SRGAP3: variants seen among roughly 807,000 people sequenced by gnomAD.
The protein encoded by SRGAP3 is SLIT-ROBO Rho GTPase-activating protein 3.
SRGAP3 carries 39 observed loss-of-function variants against 121.1 expected under a neutral mutation model. The observed-to-expected ratio is 0.32, with a 90% CI of 0.25 to 0.42. The LOEUF (loss-of-function observed/expected upper bound fraction) is 0.42, where lower values mean the gene tolerates loss of function less well. SRGAP3 is among the 10% of genes least tolerant of loss of function. The pLI is 1.00. For missense variants in SRGAP3, 1,213 were observed against 1,470.6 expected (o/e 0.82, Z 2.86); for synonymous variants, 601 against 570.0 (o/e 1.05, Z -0.77).
intron 3 of SRGAP3, among the ~76,000 whole-genome samples, chr3:9,305,845 T>C (rs1955151928): frequency 1.3e-5 from 2 of 152,232 alleles, no homozygotes; most frequent in African/African-American, 2.4e-5. Context: ...GTCTTTGCTA[T>C]TGTGAATAGT....
chr3:9,213,070 T>G (rs1306918171), intron 1 of SRGAP3, among the ~76,000 whole-genome samples: 1 of 152,176 alleles, frequency 6.6e-6, no homozygotes, highest in Non-Finnish European at 1.5e-5. Flanking sequence ...GCCCCACTTC[T>G]CGACCTGGTG....
At position 9,292,602 on chromosome 3, in the gene SRGAP3, TC is replaced by T. The variant is rs1451390461; in HGVS notation, n.442+33407del. 8 of 152,342 alleles carry T rather than the reference TC, an allele frequency of 5.3e-5. 1 individual carries two copies. Among genetic ancestry groups the T allele is most frequent in the African/African-American group, 1.9e-4 (8 of 41,582 alleles). 9.4% of individuals were successfully genotyped at this position (152,342 alleles called of 1,614,324 possible). A position where few individuals can be genotyped will look rare whatever the true frequency, so the allele number is the denominator to read the frequency against. On this transcript the variant is annotated intron_variant and non_coding_transcript_variant, in intron 3 of 3. Transcript: ENST00000490889. ...ATCAAGTAATAATTAATTCATTTTC[TC>T]ATGTTTTATTAATCAAAGACAACGG...
At chr3:9,123,762 G>GTGTGTGTGTGTGTGTGTGTGTA (rs1182513386) in intron 2 of SRGAP3, among the ~76,000 whole-genome samples, 1 of 149,026 alleles carries the variant, frequency 6.7e-6, no homozygotes. Context: ...GTGTATGTGT[G>GTGTGTGTGTGTGTGTGTGTGTA]TATATATGTA....
Position 8,983,569 on chromosome 3 carries a change from TTAA to T in SRGAP3, c.*1947_*1949del. On this transcript the variant is annotated 3_prime_UTR_variant, in exon 22 of 22. Coordinates refer to ENST00000383836, the MANE Select transcript of SRGAP3 (RefSeq NM_014850.4). Reference sequence around the variant, plus strand: ...CCACTTCATCCAATGGGCTGAAATGTTAATGATGGAATCCAGGGCTCTTATTAG... The same window carrying T: ...CCACTTCATCCAATGGGCTGAAATGTTGATGGAATCCAGGGCTCTTATTAG... The T allele has an allele frequency of 4.3e-6, 1 of 231,226 alleles. No homozygotes were observed. Among genetic ancestry groups the T allele is most frequent in the Non-Finnish European group, 8.6e-6 (1 of 116,820 alleles). 14.3% of individuals were successfully genotyped at this position (231,226 alleles called of 1,614,324 possible). A position where few individuals can be genotyped will look rare whatever the true frequency, so the allele number is the denominator to read the frequency against.
intron 1 of SRGAP3, among the ~76,000 whole-genome samples, chr3:9,131,765 G>C (rs948838061): frequency 6.6e-6 from 1 of 151,906 alleles, no homozygotes; most frequent in African/African-American, 2.4e-5. Context: ...CTTCAATCCA[G>C]GTCTCCTAAA....
At chr3:9,134,311 C>CA (rs1341485580) in intron 1 of SRGAP3, among the ~76,000 whole-genome samples, 2 of 152,156 alleles carry the variant, frequency 1.3e-5, no homozygotes, top group Non-Finnish European at 2.9e-5. Flanking sequence ...GCACCACTCA[C>CA]AGTCTGCATA....
chr3:9,038,110 T>C lies in SRGAP3; in HGVS notation c.1409-20A>G, dbSNP rs773669543. 6.2e-7 allele frequency: 1 copy of C among 1,614,146 alleles called. No individual in the cohort carries two copies. The highest frequency in any genetic ancestry group is 8.5e-7 in the Non-Finnish European group (1 of 1,180,002). ...TTTCCCCTGCAAAGAAAAGTATACA[T>C]GAATGTTTAATTGCCTTTTCTTTTT... On this transcript the variant is annotated intron_variant, in intron 10 of 21. Coordinates refer to ENST00000383836, the MANE Select transcript of SRGAP3 (RefSeq NM_014850.4).
At chr3:9,049,018 A>G (rs1291895729) in intron 9 of SRGAP3, among the ~76,000 whole-genome samples, 2 of 152,114 alleles carry the variant, frequency 1.3e-5, no homozygotes, top group Non-Finnish European at 2.9e-5. Context: ...AAGGAGGTAG[A>G]TGTGCCTGCC....
At chr3:9,105,664 G>A (rs1274979885) in intron 2 of SRGAP3, among the ~76,000 whole-genome samples, 1 of 152,112 alleles carries the variant, frequency 6.6e-6, no homozygotes, top group Non-Finnish European at 1.5e-5. Context: ...AGGGGATTCG[G>A]ATACTCACTC....
At chr3:9,142,866 C>G (rs992422762) in intron 1 of SRGAP3, among the ~76,000 whole-genome samples, 1 of 102,092 alleles carries the variant, frequency 9.8e-6, no homozygotes, top group Non-Finnish European at 1.8e-5. Context: ...AAGACAGGGT[C>G]TCTCTCTGTC....
intron 3 of SRGAP3, among the ~76,000 whole-genome samples, chr3:9,324,921 C>T (rs1212149775): frequency 6.6e-6 from 1 of 151,396 alleles, no homozygotes; most frequent in African/African-American, 2.4e-5. Context: ...CGCGCCACTG[C>T]ACTCCAGCCT....
intron 3 of SRGAP3, among the ~76,000 whole-genome samples, chr3:9,314,647 C>T (rs75807010): frequency 3.6e-4 from 54 of 151,462 alleles, no homozygotes; most frequent in African/African-American, 1.0e-3. Flanking sequence ...CCCTCCTCTC[C>T]CCACCCTGCC....
At chr3:9,224,971 C>T (rs1295645211) in intron 1 of SRGAP3, among the ~76,000 whole-genome samples, 3 of 152,148 alleles carry the variant, frequency 2.0e-5, no homozygotes. Flanking sequence ...ATCAAGAGGT[C>T]TACAGGCAGG....
At chr3:9,354,263 C>G (rs1341216047) in intron 1 of SRGAP3, among the ~76,000 whole-genome samples, 1 of 152,132 alleles carries the variant, frequency 6.6e-6, no homozygotes, top group Non-Finnish European at 1.5e-5. Flanking sequence ...AAGGTAATCA[C>G]CATAGAAACG....
chr3:9,198,065 C>T (rs1951964191), intron 1 of SRGAP3, among the ~76,000 whole-genome samples: 1 of 152,176 alleles, frequency 6.6e-6, no homozygotes, highest in Non-Finnish European at 1.5e-5. Flanking sequence ...AACTAGTAAA[C>T]TGTGTTATCA....
rs771464262 is a variant in SRGAP3, at chr3:9,047,464, C to T, written c.1335G>A (p.Glu445=). The part of the protein sequence containing the change: ...TEMFYFTKFK[E]YVNGSNLITK... ...TGATGAGGTTACTGCCATTCACATACTCTTTAAATTTCTGTAAGACACAAG... is the reference window on the plus strand; with the variant it reads ...TGATGAGGTTACTGCCATTCACATATTCTTTAAATTTCTGTAAGACACAAG... Residue 445 remains glutamate, a synonymous_variant, in exon 10 of 22, where the codon GAG becomes GAA. Transcript: ENST00000383836. The T allele has an allele frequency of 1.2e-6, 2 of 1,614,190 alleles. No individual in the cohort carries two copies. Among genetic ancestry groups the T allele is most frequent in the East Asian group, 4.5e-5 (2 of 44,874 alleles).
Position 9,218,689 on chromosome 3 carries a change from ATGGAGTCTCACTCTGTTGCCCAGGC to A in SRGAP3, c.67+30171_67+30195del, listed in dbSNP as rs1952709160. 1 of 151,528 alleles carries A rather than the reference ATGGAGTCTCACTCTGTTGCCCAGGC, an allele frequency of 6.6e-6. No individual in the cohort carries two copies. The highest frequency in any genetic ancestry group is 1.5e-5 in the Non-Finnish European group (1 of 67,890). The allele number at this position is 151,528 out of a possible 1,614,324, so 9.4% of individuals were successfully genotyped here. On this transcript the variant is annotated intron_variant, in intron 1 of 21. Coordinates refer to ENST00000383836, the MANE Select transcript of SRGAP3 (RefSeq NM_014850.4). This position sits in a 1 kb window ranked among gnomAD's most constrained non-coding sequence, Gnocchi z 5.3. ...TTTATTTATTTATTTACTTTTTGAG[ATGGAGTCTCACTCTGTTGCCCAGGC>A]TGGAGTGTAGTGTTGTAATCTCTGC...
chr3:9,218,084 G>C lies in SRGAP3; in HGVS notation c.67+30801C>G, dbSNP rs1017774785. ...CGAACCATTGAGAGTACTTCTGAAA[G>C]ACAGTGCTTACTTAGCTTGGGCTCC... On this transcript the variant is annotated intron_variant, in intron 1 of 21. Coordinates refer to ENST00000383836, the MANE Select transcript of SRGAP3 (RefSeq NM_014850.4). This position sits in a 1 kb window ranked among gnomAD's most constrained non-coding sequence, Gnocchi z 5.3. The C allele has an allele frequency of 4.1e-5, 5 of 121,390 alleles. No homozygotes were observed. Among genetic ancestry groups the C allele is most frequent in the Non-Finnish European group, 8.7e-5 (5 of 57,746 alleles). The allele number at this position is 121,390 out of a possible 1,614,324, so 7.5% of individuals were successfully genotyped here.
chr3:9,224,724 T>C (rs1340249871), intron 1 of SRGAP3, among the ~76,000 whole-genome samples: 5 of 152,088 alleles, frequency 3.3e-5, no homozygotes, highest in African/African-American at 7.2e-5. Flanking sequence ...GTACCATGGA[T>C]GGCCAGACAA....
Sources: allele counts gnomAD v4.1 joint callset (sites outside exome capture counted in the v4.1 genomes callset), GRCh38; gene constraint gnomAD v4.1.1; non-coding constraint Gnocchi (gnomAD v3.1); transcripts MANE v1.5; gene names NCBI Gene and HGNC (gene_info 2026-07-23, HGNC 2026-07-21).